The following TRPM3 variants were observed in gnomAD, a reference collection of about 807,000 sequenced individuals.
TRPM3 encodes long transient receptor potential channel 3.
Under a neutral mutation model 181.2 loss-of-function variants are expected in TRPM3, and 77 were observed. The ratio of observed to expected loss-of-function variants is 0.42; its 90% CI spans 0.35 to 0.51. TRPM3 has a LOEUF of 0.51. Among genes scored for constraint, TRPM3 ranks in the 20% least tolerant of loss-of-function variants. TRPM3 has a pLI of 0.01. For synonymous variants in TRPM3, 745 were observed against 796.4 expected (o/e 0.94, Z 1.09); for missense variants, 1,759 against 2,196.7 (o/e 0.80, Z 3.98).
intron 1 of TRPM3, among the ~76,000 whole-genome samples, chr9:70,996,262 C>T (rs2097540668): frequency 6.6e-6 from 1 of 152,176 alleles, no homozygotes; most frequent in South Asian, 2.1e-4. Context: ...GACAGGGGCT[C>T]ATTTTGCTCA....
intron 1 of TRPM3, among the ~76,000 whole-genome samples, chr9:70,876,284 C>T (rs1259333087): frequency 6.7e-6 from 1 of 148,470 alleles, no homozygotes; most frequent in African/African-American, 2.5e-5. Flanking sequence ...TACATACACA[C>T]ACACATATAT....
At chr9:70,693,771 T>A (rs192262917) in intron 8 of TRPM3, among the ~76,000 whole-genome samples, 1 of 152,230 alleles carries the variant, frequency 6.6e-6, no homozygotes, top group East Asian at 1.9e-4. Flanking sequence ...CACCAGGAGG[T>A]CATACCACTT....
chr9:70,906,549 GAAT>G (rs1346293745), intron 1 of TRPM3, among the ~76,000 whole-genome samples: 1 of 151,146 alleles, frequency 6.6e-6, no homozygotes, highest in Non-Finnish European at 1.5e-5. Context: ...CAGGACTAGA[GAAT>G]AATATGTAGA....
At chr9:71,018,825 C>G (rs931046795) in intron 1 of TRPM3, among the ~76,000 whole-genome samples, 35 of 151,700 alleles carry the variant, frequency 2.3e-4, no homozygotes, top group African/African-American at 8.2e-4. Flanking sequence ...TAAATCCTGA[C>G]AAGAACTTTA....
intron 1 of TRPM3, among the ~76,000 whole-genome samples, chr9:71,352,781 G>C (rs1040642850): frequency 1.2e-4 from 19 of 152,142 alleles, no homozygotes; most frequent in African/African-American, 4.6e-4. Flanking sequence ...TCTAGCCTTT[G>C]TCTATCTCAG....
At chr9:70,653,012 G>A (rs2059784533) in intron 9 of TRPM3, among the ~76,000 whole-genome samples, 3 of 152,070 alleles carry the variant, frequency 2.0e-5, no homozygotes, top group African/African-American at 7.2e-5. Context: ...AGGTCGATGA[G>A]GGCCTTGAAT....
At chr9:71,420,557 G>T in intron 1 of TRPM3, among the ~76,000 whole-genome samples, 1 of 137,822 alleles carries the variant, frequency 7.3e-6, no homozygotes. Context: ...GAGAAAGAAA[G>T]AGAAAGAAAA....
At chr9:71,438,002 T>C (rs1192239711) in intron 1 of TRPM3, among the ~76,000 whole-genome samples, 1 of 151,920 alleles carries the variant, frequency 6.6e-6, no homozygotes, top group African/African-American at 2.4e-5. Flanking sequence ...CCAGAACACA[T>C]ATGAAGTATT....
At chr9:70,902,508 T>C (rs1270249891) in intron 1 of TRPM3, among the ~76,000 whole-genome samples, 4 of 152,172 alleles carry the variant, frequency 2.6e-5, no homozygotes, top group Non-Finnish European at 5.9e-5. Flanking sequence ...AAGAGACACA[T>C]ATTTGTTGCA....
chr9:70,979,766 G>A (rs1225340340), intron 1 of TRPM3, among the ~76,000 whole-genome samples: 1 of 152,058 alleles, frequency 6.6e-6, no homozygotes, highest in East Asian at 1.9e-4. Context: ...CACAGTTCTG[G>A]AGGCTGAAAA....
intron 1 of TRPM3, among the ~76,000 whole-genome samples, chr9:71,216,785 T>C (rs2131828169): frequency 6.6e-6 from 1 of 152,302 alleles, no homozygotes; most frequent in Non-Finnish European, 1.5e-5. Flanking sequence ...CACAGGTTCA[T>C]GGCATTGAAT....
chr9:71,019,194 A>C (rs780904113), intron 1 of TRPM3, among the ~76,000 whole-genome samples: 9 of 151,918 alleles, frequency 5.9e-5, no homozygotes, highest in Non-Finnish European at 1.3e-4. Flanking sequence ...TCCTCTGGAG[A>C]CCTGGAAAAA....
chr9:71,121,355 C>T lies in TRPM3; in HGVS notation c.-1G>A. ...AAACGGTCCCCCACGGCTCTGGCAT[C>T]CCATGGTCATCTCCACACCTGCAAA... On this transcript the variant is annotated 5_prime_UTR_variant, in exon 1 of 26. Transcript: ENST00000677713. 1.2e-6 allele frequency: 2 copies of T among 1,613,356 alleles called. No individual in the cohort carries two copies. Among genetic ancestry groups the T allele is most frequent in the Non-Finnish European group, 1.7e-6 (2 of 1,179,782 alleles).
At chr9:71,072,587 T>C (rs1441904545) in intron 1 of TRPM3, among the ~76,000 whole-genome samples, 1 of 152,180 alleles carries the variant, frequency 6.6e-6, no homozygotes, top group Non-Finnish European at 1.5e-5. Context: ...GTTCTTGGGT[T>C]GCAGAATCAA....
At chr9:70,739,898 A>G (rs2073661921) in intron 8 of TRPM3, among the ~76,000 whole-genome samples, 1 of 152,090 alleles carries the variant, frequency 6.6e-6, no homozygotes, top group South Asian at 2.1e-4. Context: ...GATTACAGGC[A>G]TGAGCACCAG....
At chr9:70,892,928 C>T (rs897961275) in intron 1 of TRPM3, among the ~76,000 whole-genome samples, 24 of 151,974 alleles carry the variant, frequency 1.6e-4, no homozygotes, top group African/African-American at 3.6e-4. Context: ...TCTACATGAC[C>T]GGCTATATCC....
chr9:71,044,766 G>A (rs1184970713), intron 1 of TRPM3, among the ~76,000 whole-genome samples: 1 of 152,004 alleles, frequency 6.6e-6, no homozygotes, highest in Admixed American at 6.5e-5. Context: ...CCGCCTCCCG[G>A]GTTCACGCCA....
chr9:70,803,047 AAAAAAAAAAAAAC>A (rs1486021018), intron 6 of TRPM3, among the ~76,000 whole-genome samples: 10 of 146,822 alleles, frequency 6.8e-5, no homozygotes, highest in Admixed American at 1.3e-4. Context: ...AAAAAAAAAA[AAAAAAAAAAAAAC>A]AAAGGCCCAA....
chr9:71,399,521 CT>C (rs1415739241), intron 1 of TRPM3, among the ~76,000 whole-genome samples: 1 of 107,520 alleles, frequency 9.3e-6, no homozygotes, highest in South Asian at 3.1e-4. Flanking sequence ...CTTATATTTT[CT>C]TTTGTTTTTT....
Sources: allele counts gnomAD v4.1 joint callset (sites outside exome capture counted in the v4.1 genomes callset), GRCh38; gene constraint gnomAD v4.1.1; transcripts MANE v1.5; gene names NCBI Gene and HGNC (gene_info 2026-07-23, HGNC 2026-07-21).